The following EHBP1 variants were observed in gnomAD, a reference collection of about 807,000 sequenced individuals.
EHBP1 encodes the protein EH domain-binding protein 1.
EHBP1 carries 55 observed loss-of-function variants against 144.0 expected under a neutral mutation model. The observed-to-expected ratio is 0.38, with a 90% CI of 0.31 to 0.48. The LOEUF (loss-of-function observed/expected upper bound fraction) is 0.48. Ranked by LOEUF, EHBP1 falls within the 20% of genes least tolerant of loss-of-function variation. The pLI is 0.98. For synonymous variants in EHBP1, 469 were observed against 472.7 expected, an observed-to-expected ratio of 0.99 and a Z score of 0.10; for missense variants, 1,200 against 1,364.2, an observed-to-expected ratio of 0.88 and a Z score of 1.90.
chr2:62,921,483 C>A (rs1574065480), intron 10 of EHBP1, among the ~76,000 whole-genome samples: 3 of 146,186 alleles, frequency 2.1e-5, no homozygotes, highest in Admixed American at 6.9e-5. Context: ...ATGATAACCA[C>A]AAAGAAAATA....
At chr2:62,986,080 CA>C (rs1223402196) in intron 15 of EHBP1, among the ~76,000 whole-genome samples, 2 of 151,896 alleles carry the variant, frequency 1.3e-5, no homozygotes. Context: ...TTATTGGCAG[CA>C]AAAAAGTACT....
chr2:62,995,515 G>T (rs2153224915), intron 18 of EHBP1, among the ~76,000 whole-genome samples: 1 of 152,148 alleles, frequency 6.6e-6, no homozygotes, highest in South Asian at 2.1e-4. Flanking sequence ...TGTTTAAGGA[G>T]TAGTGAAATA....
intron 7 of EHBP1, among the ~76,000 whole-genome samples, chr2:62,835,207 T>G (rs1014960917): frequency 1.3e-5 from 2 of 152,154 alleles, no homozygotes; most frequent in African/African-American, 4.8e-5. Flanking sequence ...TTTGGTTGAT[T>G]TAACTTTATA....
intron 10 of EHBP1, among the ~76,000 whole-genome samples, chr2:62,928,577 G>C (rs1257861924): frequency 6.6e-6 from 1 of 151,864 alleles, no homozygotes; most frequent in Non-Finnish European, 1.5e-5. Flanking sequence ...TAGCTGATGG[G>C]ATCTTATTAA....
chr2:62,716,636 A>G (rs1349006508), intron 2 of EHBP1, among the ~76,000 whole-genome samples: 1 of 152,258 alleles, frequency 6.6e-6, no homozygotes, highest in African/African-American at 2.4e-5. Context: ...CTTCAGCTAT[A>G]AAGTGTATTG....
intron 2 of EHBP1, among the ~76,000 whole-genome samples, chr2:62,734,433 T>C (rs1211436143): frequency 2.0e-5 from 3 of 150,964 alleles, no homozygotes; most frequent in Admixed American, 1.3e-4. Flanking sequence ...CAAATATATA[T>C]ATATAATTCA....
Position 62,707,014 on chromosome 2 carries a change from T to A in EHBP1, c.-178T>A. ...AGTGTTCTTGACTGGGCCATTCATC[T>A]AAGATGGGATTTACCCTGTGAAACA... On this transcript the variant is annotated 5_prime_UTR_variant, in exon 2 of 23. It removes the in-frame stop codon of an upstream open reading frame in the 5' UTR. Coordinates refer to ENST00000431489, the MANE Select transcript of EHBP1 (RefSeq NM_001142616.3). 1.7e-6 allele frequency: 1 copy of A among 574,882 alleles called. No individual in the cohort carries two copies. The allele number at this position is 574,882 out of a possible 1,614,324, so 35.6% of individuals were successfully genotyped here. A position where few individuals can be genotyped will look rare whatever the true frequency, so the allele number is the denominator to read the frequency against.
chr2:62,681,362 T>TATATATATATATATATATATATATA (rs1469837895), intron 1 of EHBP1, among the ~76,000 whole-genome samples: 1 of 26,980 alleles, frequency 3.7e-5, no homozygotes, highest in Non-Finnish European at 6.6e-5. Context: ...ATATATATAA[T>TATATATATATATATATATATATATA]GTGTATATAT....
At chr2:62,822,138 C>T (rs961663435) in intron 5 of EHBP1, among the ~76,000 whole-genome samples, 1 of 152,138 alleles carries the variant, frequency 6.6e-6, no homozygotes, top group African/African-American at 2.4e-5. Context: ...TCCTGAGTCT[C>T]AGAATATGTT....
Position 62,707,281 on chromosome 2 carries a change from G to C in EHBP1, c.90G>C (p.Glu30Asp), listed in dbSNP as rs747767778. The C allele has an allele frequency of 6.2e-7, 1 of 1,613,838 alleles. No homozygotes were observed. ...FVASYQELMV[E>D]CTKKWQPDKL... is the part of the protein sequence containing the mutation. ...CCTCCTACCAGGAGCTCATGGTTGA[G>C]TGTACGAAGAAATGGTAAGATGTAC... The change falls in exon 2 of 23, where the codon GAG becomes GAC. Residue 30 changes from glutamate to aspartate, a missense_variant. This residue lies in a region of EHBP1 where 137 missense variants were observed against 190.1 expected (regional missense o/e 0.72). Transcript: ENST00000431489.
chr2:62,799,982 C>T (rs771679852), intron 5 of EHBP1, among the ~76,000 whole-genome samples: 3 of 152,256 alleles, frequency 2.0e-5, no homozygotes, highest in South Asian at 2.1e-4. Context: ...TAAAAGTACT[C>T]GTGGTAGAAA....
intron 4 of EHBP1, among the ~76,000 whole-genome samples, chr2:62,770,436 G>T (rs1394218949): frequency 6.6e-6 from 1 of 152,152 alleles, no homozygotes; most frequent in East Asian, 1.9e-4. Flanking sequence ...GATCATTAGA[G>T]GAATGCAAAT....
intron 10 of EHBP1, among the ~76,000 whole-genome samples, chr2:62,879,602 G>C (rs867846488): frequency 7.5e-5 from 11 of 146,408 alleles, no homozygotes; most frequent in East Asian, 2.0e-4. Context: ...GAGACAGAGA[G>C]AGAGAGAGAG....
intron 10 of EHBP1, among the ~76,000 whole-genome samples, chr2:62,923,516 C>T (rs1460160185): frequency 6.6e-6 from 1 of 152,184 alleles, no homozygotes; most frequent in Non-Finnish European, 1.5e-5. Flanking sequence ...GCCTGAGAAA[C>T]ATCTCTGCAG....
At chr2:62,763,307 T>C (rs1316415412) in intron 3 of EHBP1, among the ~76,000 whole-genome samples, 1 of 152,162 alleles carries the variant, frequency 6.6e-6, no homozygotes, top group East Asian at 1.9e-4. Context: ...TCCTACTGTA[T>C]TGTAAACTCC....
intron 10 of EHBP1, among the ~76,000 whole-genome samples, chr2:62,900,199 G>T (rs1028668960): frequency 1.3e-5 from 2 of 151,930 alleles, no homozygotes; most frequent in South Asian, 4.2e-4. Context: ...CCAATATAAG[G>T]AAAATAAAAA....
chr2:62,857,694 T>C (rs939205966), intron 7 of EHBP1, among the ~76,000 whole-genome samples: 1 of 152,196 alleles, frequency 6.6e-6, no homozygotes, highest in Non-Finnish European at 1.5e-5. Flanking sequence ...TTTCACCCAA[T>C]GAGTGATAAT....
At chr2:62,841,739 TTTTTC>T (rs1278077920) in intron 7 of EHBP1, among the ~76,000 whole-genome samples, 51 of 152,292 alleles carry the variant, frequency 3.3e-4, no homozygotes, top group Non-Finnish European at 6.2e-4. Flanking sequence ...CTTCTTTTCT[TTTTTC>T]TTTTCTTTTC....
chr2:62,673,991 G>C (rs2033195293), exon 1 of EHBP1: 1 of 470,768 alleles, frequency 2.1e-6, no homozygotes, highest in South Asian at 1.6e-5. Flanking sequence ...GCATGCCCCT[G>C]TAGCAGCAAT....
Sources: allele counts gnomAD v4.1 joint callset (sites outside exome capture counted in the v4.1 genomes callset), GRCh38; gene constraint gnomAD v4.1.1; regional missense constraint gnomAD v4.1.1; transcripts MANE v1.5; gene names NCBI Gene and HGNC (gene_info 2026-07-23, HGNC 2026-07-21).